Variants in NID2 observed in about 807,000 individuals in gnomAD.
NID2 encodes nidogen 2.
NID2 carries 83 observed loss-of-function variants against 145.4 expected under a neutral mutation model. The ratio of observed to expected loss-of-function variants is 0.57; its 90% CI spans 0.48 to 0.69. NID2 has a LOEUF of 0.69. NID2 is among the 30% of genes least tolerant of loss of function. NID2 has a pLI of 0.00. For synonymous variants in NID2, 739 were observed against 701.3 expected, an observed-to-expected ratio of 1.05 and a Z score of -0.85; for missense variants, 1,807 against 1,765.7, an observed-to-expected ratio of 1.02 and a Z score of -0.42.
intron 9 of NID2, among the ~76,000 whole-genome samples, chr14:52,030,537 AAAG>A (rs2055189356): frequency 1.8e-5 from 1 of 55,866 alleles, no homozygotes; most frequent in East Asian, 3.8e-4. Context: ...AGAAAGAAAG[AAAG>A]AAAGAAAGAA....
intron 16 of NID2, 127 bp downstream of exon 16, chr14:52,014,160 G>A: frequency 8.2e-7 from 1 of 1,216,946 alleles, no homozygotes; most frequent in Middle Eastern, 2.0e-4. Flanking sequence ...CCATGCCGAT[G>A]GGCTGCAGCT....
chr14:52,009,444 C>A lies in NID2; in HGVS notation c.3722+1432G>T, dbSNP rs544889186. ...GGAAGGCTTGACAACCATTCTGTTACGCAGTTGAAGGAGATGTAATTACAT... is the reference window on the plus strand; with the variant it reads ...GGAAGGCTTGACAACCATTCTGTTAAGCAGTTGAAGGAGATGTAATTACAT... On this transcript the variant is annotated intron_variant, in intron 18 of 21. Coordinates refer to ENST00000216286, the MANE Select transcript of NID2 (RefSeq NM_007361.4). 2.6e-5 allele frequency: 4 copies of A among 152,264 alleles called. No homozygotes were observed. The South Asian group carries it at 6.2e-4, about 24-fold the overall frequency. The allele number at this position is 152,264 out of a possible 1,614,324, so 9.4% of individuals were successfully genotyped here.
intron 9 of NID2, among the ~76,000 whole-genome samples, chr14:52,035,678 C>T (rs898652323): frequency 6.6e-6 from 1 of 151,182 alleles, no homozygotes; most frequent in African/African-American, 2.4e-5. Flanking sequence ...CTATTTGCTT[C>T]CATTTATTTT....
chr14:52,066,589 C>A (rs1440762857), intron 2 of NID2, among the ~76,000 whole-genome samples: 1 of 151,994 alleles, frequency 6.6e-6, no homozygotes, highest in African/African-American at 2.4e-5. Context: ...CTACTATGTA[C>A]CCTCAAAAAT....
intron 18 of NID2, chr14:52,009,238 C>T (rs1228304370): frequency 6.6e-6 from 1 of 152,160 alleles, no homozygotes; most frequent in Non-Finnish European, 1.5e-5. Flanking sequence ...CCAGAGGGTA[C>T]AGCATGCATA....
chr14:52,029,238 G>A (rs1005919765), intron 10 of NID2, among the ~76,000 whole-genome samples: 6 of 152,052 alleles, frequency 3.9e-5, no homozygotes, highest in South Asian at 2.1e-4. Context: ...GTGCTTTTTG[G>A]TAAGTCTAAG....
rs1890736956 is a variant in NID2, at chr14:52,005,507, AG to A, written c.4118-12del. 1 of 1,596,222 alleles carries A rather than the reference AG, an allele frequency of 6.3e-7. No homozygotes were observed. Among genetic ancestry groups the A allele is most frequent in the African/African-American group, 1.4e-5 (1 of 73,874 alleles). ...GTACTTACTTTCTTCCTGTGAGAGA[AG>A]AGCAGGGGTGGGACAGGGTGGTGGG... On this transcript the variant is annotated splice_polypyrimidine_tract_variant and intron_variant, in intron 21 of 21. Coordinates refer to ENST00000216286, the MANE Select transcript of NID2 (RefSeq NM_007361.4).
rs35147930 is a variant in NID2, at chr14:52,038,828, C to T, written c.2176G>A (p.Val726Met). The T allele has an allele frequency of 5.0e-3, 8,077 of 1,613,896 alleles. 24 individuals are homozygous for T. Among genetic ancestry groups the T allele is most frequent in the Non-Finnish European group, 5.7e-3 (6,758 of 1,179,930 alleles). The change falls in exon 9 of 22, where the codon GTG (valine) becomes ATG (methionine). Residue 726 changes from valine (V) to methionine (M), a missense_variant. Physicochemically the swap from Val to Met is conservative, Grantham distance 21 (BLOSUM62 1). Coordinates refer to ENST00000216286, the MANE Select transcript of NID2 (RefSeq NM_007361.4). The stretch of plus-strand genomic sequence containing the variant: ...TTATACAAGGCAAAGACCCGGTCCA[C>T]GTTCAGCTGCTGGGTGGTGGGGAAG... ...PSFPTTQQLNVDRVFALYNDE... is the reference protein window; with the variant it reads ...PSFPTTQQLNMDRVFALYNDE...
At chr14:52,066,751 T>C (rs1219817675) in intron 2 of NID2, among the ~76,000 whole-genome samples, 1 of 152,216 alleles carries the variant, frequency 6.6e-6, no homozygotes. Flanking sequence ...AAAATTGAGA[T>C]GAATCATATG....
At chr14:52,047,620 C>A (rs1892549232) in intron 5 of NID2, among the ~76,000 whole-genome samples, 1 of 152,032 alleles carries the variant, frequency 6.6e-6, no homozygotes, top group Admixed American at 6.5e-5. Flanking sequence ...AAGAAGGGCC[C>A]AGGTCTGGGA....
intron 11 of NID2, 102 bp from the exon 12 acceptor site, chr14:52,027,446 A>T (rs1891630107): frequency 3.8e-6 from 4 of 1,064,904 alleles, no homozygotes; most frequent in Non-Finnish European, 5.1e-6. Context: ...CAGACCAGGG[A>T]ATGCAGGTTC....
chr14:52,046,411 A>C (rs930317367), intron 5 of NID2, among the ~76,000 whole-genome samples: 4 of 152,054 alleles, frequency 2.6e-5, no homozygotes, highest in African/African-American at 9.7e-5. Context: ...CAAATTAAGG[A>C]AATAACAGGC....
intron 5 of NID2, among the ~76,000 whole-genome samples, chr14:52,047,570 A>G (rs936401326): frequency 2.2e-4 from 34 of 152,056 alleles, no homozygotes; most frequent in African/African-American, 7.7e-4. Flanking sequence ...ATCAGACAGG[A>G]GCTGGTCCCT....
rs1409569196 is a variant in NID2, at chr14:52,068,929, C to T, written c.66G>A (p.Pro22=). The change falls in exon 1 of 22, where the codon CCG becomes CCA. Residue 22 remains proline, a synonymous_variant. Coordinates refer to ENST00000216286, the MANE Select transcript of NID2 (RefSeq NM_007361.4). ...LSSLPVLLLL[P]LLMLRAAALH... is the part of the protein sequence containing the mutation. Reference sequence around the variant, plus strand: ...GCGCCGCGGCCCGCAACATTAGCAACGGCAGCAGCAGTAGCACTGGTAACG... The same window carrying T: ...GCGCCGCGGCCCGCAACATTAGCAATGGCAGCAGCAGTAGCACTGGTAACG... 1.2e-6 allele frequency: 2 copies of T among 1,613,094 alleles called. No homozygotes were observed. Among genetic ancestry groups the T allele is most frequent in the African/African-American group, 1.3e-5 (1 of 75,060 alleles).
At chr14:52,039,352 C>T (rs2029975) in intron 8 of NID2, among the ~76,000 whole-genome samples, 123,000 of 152,160 alleles carry the variant, frequency 0.81, 49,889 homozygotes, top group South Asian at 0.89. Context: ...GCAATGCTGC[C>T]ACATGGTAGA....
intron 2 of NID2, among the ~76,000 whole-genome samples, 174 bp from the exon 3 acceptor site, chr14:52,060,530 C>T (rs1351418611): frequency 6.6e-6 from 1 of 152,208 alleles, no homozygotes; most frequent in Non-Finnish European, 1.5e-5. Flanking sequence ...AAAATTTCCT[C>T]TTCAAGTTAA....
At chr14:52,067,710 C>T in intron 2 of NID2, 148 bp downstream of exon 2, 2 of 949,394 alleles carry the variant, frequency 2.1e-6, no homozygotes, top group South Asian at 2.8e-5. Context: ...TCCTCACTCC[C>T]AAGCCACTCC....
rs1034546042 is a variant in NID2, at chr14:52,041,090, T to A, written c.1826-239A>T. Among the ~76,000 whole-genome samples, 3 of 152,328 alleles carry A rather than the reference T, an allele frequency of 2.0e-5. No individual in the cohort carries two copies. The East Asian group carries it at 5.8e-4, about 29-fold the overall frequency. The stretch of plus-strand genomic sequence containing the variant: ...AGCTTCTCTTTGAACAAGCTTGTAT[T>A]CTGTGAGAAATACTCTTGGGAACGT... On this transcript the variant is annotated intron_variant, in intron 7 of 21. Transcript: ENST00000216286.
chr14:52,050,988 T>C (rs1002363701), intron 5 of NID2, among the ~76,000 whole-genome samples: 1 of 152,182 alleles, frequency 6.6e-6, no homozygotes, highest in African/African-American at 2.4e-5. Flanking sequence ...GGTAACTTTT[T>C]GACTTGACAA....
Sources: gnomAD v4.1 joint callset for allele counts (sites outside exome capture counted in the v4.1 genomes callset) on GRCh38, gnomAD v4.1.1 for gene constraint, MANE v1.5 for transcripts, NCBI Gene and HGNC (gene_info 2026-07-23, HGNC 2026-07-21) for gene names.